The following SURF1 variants were observed in gnomAD, a reference collection of about 807,000 sequenced individuals.
The protein encoded by SURF1 is SURF1 cytochrome c oxidase assembly factor, also known as surfeit locus protein 1.
In SURF1, 45 loss-of-function variants were observed where a neutral mutation model predicts 34.1. That is an observed-to-expected ratio of 1.32 (90% CI 1.04 to 1.69). SURF1 has a LOEUF of 1.69. Among genes scored for constraint, SURF1 ranks in the 40% most tolerant of loss-of-function variants. The pLI, the probability that SURF1 is intolerant of heterozygous loss-of-function variation, is 0.00. For synonymous variants in SURF1, 188 were observed against 147.5 expected (o/e 1.27, Z -1.99); for missense variants, 456 against 384.6 (o/e 1.19, Z -1.55).
intron 4 of SURF1, chr9:133,354,173 T>C (rs1836508834): frequency 3.3e-6 from 2 of 600,200 alleles, no homozygotes; most frequent in Non-Finnish European, 5.9e-6. Context: ...TTATGTGAAA[T>C]TTTAAAAAAT....
intron 2 of SURF1, among the ~76,000 whole-genome samples, 167 bp from the exon 3 acceptor site, chr9:133,355,124 C>T (rs1413703130): frequency 1.3e-5 from 2 of 152,222 alleles, no homozygotes; most frequent in Non-Finnish European, 2.9e-5. Flanking sequence ...CAGAACAAGG[C>T]ACACACAGTA....
In SURF1 at chr9:133,356,250, C is replaced by A; in HGVS notation, c.106+19G>T. 6.5e-7 allele frequency: 1 copy of A among 1,533,716 alleles called. No individual in the cohort carries two copies. Among genetic ancestry groups the A allele is most frequent in the Non-Finnish European group, 8.7e-7 (1 of 1,146,224 alleles). On this transcript the variant is annotated intron_variant, in intron 2 of 8. Transcript: ENST00000371974. The stretch of plus-strand genomic sequence containing the variant: ...CTCTGCCCAGGCGCCTGGATCACAG[C>A]CCGGCCTGCAGCCCTCACCTGGGCG...
At position 133,354,687 on chromosome 9, in the gene SURF1, G is replaced by T; in HGVS notation, c.295C>A (p.Leu99Met). ...NLIAELESRV[L>M]AEPVPLPADP... Reference sequence around the variant, plus strand: ...GCTGGCAGAGGGACAGGCTCAGCCAGAACTCTGGACTCCAACTCTGCAATC... The same window carrying T: ...GCTGGCAGAGGGACAGGCTCAGCCATAACTCTGGACTCCAACTCTGCAATC... The change falls in exon 4 of 9, where the codon CTG (leucine) becomes ATG (methionine). Residue 99 changes from leucine to methionine, a missense_variant. Leu to Met is a conservative substitution (Grantham distance 15). Coordinates refer to ENST00000371974, the MANE Select transcript of SURF1 (RefSeq NM_003172.4). 6.2e-7 allele frequency: 1 copy of T among 1,613,298 alleles called. No individual in the cohort carries two copies. Among genetic ancestry groups the T allele is most frequent in the Non-Finnish European group, 8.5e-7 (1 of 1,180,026 alleles).
In SURF1 at chr9:133,353,793, C is replaced by CT; in HGVS notation, c.470dup (p.Ser158GlufsTer22). The CT allele has an allele frequency of 6.2e-7, 1 of 1,613,864 alleles. No homozygotes were observed. The highest frequency in any genetic ancestry group is 8.5e-7 in the Non-Finnish European group (1 of 1,180,044). ...AGGGAGTGACCACATAGGCCCCACT[C>CT]TGAGTTGAGGAGGAGATGAGGCCGC... On this transcript the variant is annotated frameshift_variant, in exon 5 of 9. Coordinates refer to ENST00000371974, the MANE Select transcript of SURF1 (RefSeq NM_003172.4). LOFTEE classifies it high-confidence loss of function.
At chr9:133,354,801 G>A (rs2130018742) in intron 3 of SURF1, 23 bp downstream of exon 3, 73 of 1,613,628 alleles carry the variant, frequency 4.5e-5, no homozygotes, top group Non-Finnish European at 5.3e-5. Context: ...CCAGAGTTAC[G>A]CACACCAGAT....
chr9:133,354,933 C>T lies in SURF1; in HGVS notation c.131G>A (p.Cys44Tyr), dbSNP rs2130019786. Residue 44 changes from cysteine to tyrosine, a missense_variant, in exon 3 of 9, where the codon TGT becomes TAT. Physicochemically the swap from Cys to Tyr is radical, Grantham distance 194. Coordinates refer to ENST00000371974, the MANE Select transcript of SURF1 (RefSeq NM_003172.4). ...RPGVAWRPSR[C>Y]GSSAAEASAT... ...AGATGCTTCTGCTGCAGAACTGCCA[C>T]ATCTGCTTGGCCTCCAGGCCACCCC... 6.2e-7 allele frequency: 1 copy of T among 1,613,664 alleles called. No homozygotes were observed. The highest frequency in any genetic ancestry group is 8.5e-7 in the Non-Finnish European group (1 of 1,180,042).
At position 133,354,156 on chromosome 9, in the gene SURF1, G is replaced by C. The variant is rs1023679196; in HGVS notation, c.324-216C>G. ...AGGCTAAAAATCTGGACTCCTCAAT[G>C]AATATTTTATGTGAAATTTTAAAAA... is the stretch of plus-strand genomic sequence containing the variant. On this transcript the variant is annotated intron_variant, in intron 4 of 8. Coordinates refer to ENST00000371974, the MANE Select transcript of SURF1 (RefSeq NM_003172.4). The C allele has an allele frequency of 2.6e-5, 16 of 625,458 alleles. No homozygotes were observed. The African/African-American group carries it at 2.8e-4, about 11-fold the overall frequency. 38.7% of individuals were successfully genotyped at this position (625,458 alleles called of 1,614,324 possible).
At chr9:133,356,240 T>A in intron 2 of SURF1, 29 bp downstream of exon 2, 1 of 1,533,636 alleles carries the variant, frequency 6.5e-7, no homozygotes, top group Non-Finnish European at 8.7e-7. Flanking sequence ...CCCAGGCGCC[T>A]GGATCACAGC....
chr9:133,354,358 T>A, intron 4 of SURF1: 1 of 505,784 alleles, frequency 2.0e-6, no homozygotes, highest in Non-Finnish European at 3.6e-6. Context: ...ACATTATCTG[T>A]CCTCAGCCAC....
At position 133,354,713 on chromosome 9, in the gene SURF1, A is replaced by G. The variant is rs2130018017; in HGVS notation, c.269T>C (p.Leu90Pro). The G allele has an allele frequency of 6.2e-6, 10 of 1,613,502 alleles. No individual in the cohort carries two copies. Among genetic ancestry groups the G allele is most frequent in the Non-Finnish European group, 8.5e-6 (10 of 1,180,034 alleles). ...QVQRRKWKLNLIAELESRVLA... is the reference protein window; with the variant it reads ...QVQRRKWKLNPIAELESRVLA... ...AACTCTGGACTCCAACTCTGCAATC[A>G]GGTTCAGCTTCCACTTCCGACGCTG... The change falls in exon 4 of 9, where the codon CTG (leucine) becomes CCG (proline). Residue 90 changes from leucine (L) to proline (P), a missense_variant. By Grantham distance (98) the Leu-to-Pro change is moderately conservative. Transcript: ENST00000371974.
chr9:133,355,831 T>TA (rs1836562133), intron 2 of SURF1, among the ~76,000 whole-genome samples: 1 of 151,312 alleles, frequency 6.6e-6, no homozygotes, highest in Non-Finnish European at 1.5e-5. Flanking sequence ...TTTTTTTTTT[T>TA]ATAAAAAGGC....
chr9:133,352,641 C>T (rs2130008849), intron 6 of SURF1, 33 bp from the exon 7 acceptor site: 2 of 1,613,924 alleles, frequency 1.2e-6, no homozygotes, highest in South Asian at 1.1e-5. Flanking sequence ...TTGCATGGAG[C>T]CTGGTGGACT....
chr9:133,355,050 C>G (rs1474628926), intron 2 of SURF1, 93 bp from the exon 3 acceptor site: 2 of 1,564,622 alleles, frequency 1.3e-6, no homozygotes, highest in African/African-American at 1.3e-5. Flanking sequence ...TACTGCCAAT[C>G]AAAACCTGCT....
At position 133,356,268 on chromosome 9, in the gene SURF1, C is replaced by A; in HGVS notation, c.106+1G>T. 1 of 1,533,150 alleles carries A rather than the reference C, an allele frequency of 6.5e-7. No individual in the cohort carries two copies. The highest frequency in any genetic ancestry group is 1.4e-5 in the African/African-American group (1 of 72,914). 95.0% of individuals were successfully genotyped at this position (1,533,150 alleles called of 1,614,324 possible). A position where few individuals can be genotyped will look rare whatever the true frequency, so the allele number is the denominator to read the frequency against. Reference sequence around the variant, plus strand: ...ATCACAGCCCGGCCTGCAGCCCTCACCTGGGCGCGGGGAGACCCTGAGGAC... The same window carrying A: ...ATCACAGCCCGGCCTGCAGCCCTCAACTGGGCGCGGGGAGACCCTGAGGAC... On this transcript the variant is annotated splice_donor_variant, in intron 2 of 8. Coordinates refer to ENST00000371974, the MANE Select transcript of SURF1 (RefSeq NM_003172.4). LOFTEE classifies it high-confidence loss of function.
Position 133,351,966 on chromosome 9 carries a change from C to T in SURF1, c.850G>A (p.Ala284Thr), listed in dbSNP as rs2130003075. 1.4e-5 allele frequency: 22 copies of T among 1,613,832 alleles called. No individual in the cohort carries two copies. In the East Asian group the frequency reaches 4.0e-4, roughly 29 times the overall value. The change falls in exon 9 of 9, where the codon GCT becomes ACT. Residue 284 changes from alanine to threonine, a missense_variant. By Grantham distance (58) the Ala-to-Thr change is moderately conservative. Transcript: ENST00000371974. Reference sequence around the variant, plus strand: ...TTCTTAAACCACAGGTAGGATGTAGCTGCAGAGAGTCCATACCTAGGGGTT... The same window carrying T: ...TTCTTAAACCACAGGTAGGATGTAGTTGCAGAGAGTCCATACCTAGGGGTT... ...YIVTWYGLSA[A>T]TSYLWFKKFL...
rs1157967749 is a variant in SURF1 at position 133,351,862 on chromosome 9, C to T, written c.*51G>A. 2.5e-6 allele frequency: 4 copies of T among 1,575,824 alleles called. No homozygotes were observed. The highest frequency in any genetic ancestry group is 1.3e-5 in the African/African-American group (1 of 74,388). The stretch of plus-strand genomic sequence containing the variant: ...AGTAGCACATGATCCAGCATAAAGG[C>T]AGTCTTGAAATACTGCATTATCCAG... On this transcript the variant is annotated 3_prime_UTR_variant, in exon 9 of 9. Transcript: ENST00000371974.
intron 2 of SURF1, among the ~76,000 whole-genome samples, chr9:133,355,797 G>A (rs1385753518): frequency 6.6e-6 from 1 of 152,060 alleles, no homozygotes; most frequent in Admixed American, 6.6e-5. Flanking sequence ...AAAAGCACCA[G>A]GGGCCTTGCG....
intron 8 of SURF1, 23 bp from the exon 9 acceptor site, chr9:133,352,005 C>T (rs199981523): frequency 6.2e-7 from 1 of 1,613,492 alleles, no homozygotes; most frequent in African/African-American, 1.3e-5. Context: ...AGCAAGCCAG[C>T]ATTAGCAGGC....
chr9:133,352,851 C>G, intron 5 of SURF1, 85 bp from the exon 6 acceptor site: 1 of 1,401,092 alleles, frequency 7.1e-7, no homozygotes. Context: ...CCCATAGGAA[C>G]AACTAGAGCA....
Sources: gnomAD v4.1 joint callset for allele counts (sites outside exome capture counted in the v4.1 genomes callset) on GRCh38, gnomAD v4.1.1 for gene constraint, MANE v1.5 for transcripts, NCBI Gene and HGNC (gene_info 2026-07-23, HGNC 2026-07-21) for gene names.